The following AK8 variants were observed in gnomAD, a reference collection of about 807,000 sequenced individuals.
AK8 encodes the protein adenylate kinase 8, also known as ATP-AMP transphosphorylase 8.
In AK8, 44 loss-of-function variants were observed where a neutral mutation model predicts 54.6. That is an observed-to-expected ratio of 0.81 (90% CI 0.63 to 1.04). AK8 has a LOEUF of 1.04. Among genes scored for constraint, AK8 ranks in the 50% least tolerant of loss-of-function variants. The pLI, the probability that AK8 is intolerant of heterozygous loss-of-function variation, is 0.00. For missense variants in AK8, 555 were observed against 613.6 expected, an observed-to-expected ratio of 0.90 and a Z score of 1.01; for synonymous variants, 239 against 245.6, an observed-to-expected ratio of 0.97 and a Z score of 0.25.
intron 9 of AK8, among the ~76,000 whole-genome samples, chr9:132,819,681 T>A (rs1317810667): frequency 6.6e-6 from 1 of 152,214 alleles, no homozygotes; most frequent in Non-Finnish European, 1.5e-5. Context: ...TCCTAATCGA[T>A]ATTATAGAAC....
chr9:132,746,588 C>T (rs903325978), intron 11 of AK8, among the ~76,000 whole-genome samples: 7 of 152,236 alleles, frequency 4.6e-5, no homozygotes, highest in Middle Eastern at 3.2e-3. Flanking sequence ...TTCCGACTTG[C>T]GCAACAGGGA....
intron 11 of AK8, among the ~76,000 whole-genome samples, chr9:132,731,377 T>C (rs1052641524): frequency 4.6e-5 from 7 of 152,090 alleles, no homozygotes; most frequent in Admixed American, 1.3e-4. Context: ...AAGGATTCTT[T>C]TGGGCGTGTC....
intron 9 of AK8, among the ~76,000 whole-genome samples, chr9:132,820,803 C>T (rs903842372): frequency 3.9e-5 from 6 of 152,182 alleles, no homozygotes; most frequent in African/African-American, 1.2e-4. Context: ...TAGAACCAGG[C>T]GAGCGGATGG....
At chr9:132,848,115 C>CAAAAAAAAA (rs796764891) in intron 5 of AK8, among the ~76,000 whole-genome samples, 2,469 of 51,706 alleles carry the variant, frequency 0.048, 296 homozygotes, top group Non-Finnish European at 0.066. Context: ...CACCCTGTTT[C>CAAAAAAAAA]AAAAAAAAAA....
chr9:132,725,671 T>A lies in AK8; in HGVS notation c.*17A>T, dbSNP rs781168820. The A allele has an allele frequency of 2.6e-6, 4 of 1,553,688 alleles. No individual in the cohort carries two copies. In the East Asian group the frequency reaches 6.9e-5, roughly 27 times the overall value. ...ATTAACTCTTTCCCTGGGGCAGCGC[T>A]CCTGGCTCTGAACCCATCAGGGGAT... On this transcript the variant is annotated 3_prime_UTR_variant, in exon 13 of 13. Transcript: ENST00000298545.
intron 5 of AK8, among the ~76,000 whole-genome samples, chr9:132,847,436 G>A (rs1316635896): frequency 6.6e-6 from 1 of 152,132 alleles, no homozygotes; most frequent in Non-Finnish European, 1.5e-5. Context: ...CCCTTCCTGT[G>A]TGCTTAGAAC....
At chr9:132,855,011 G>A (rs1018074917) in intron 4 of AK8, 86 bp from the exon 5 acceptor site, 51 of 1,422,018 alleles carry the variant, frequency 3.6e-5, no homozygotes, top group South Asian at 2.3e-4. Context: ...CTTCACCAAC[G>A]CCCTGGCCTC....
rs72773436 is a variant in AK8 at position 132,757,363 on chromosome 9, G to A, written c.1122-29829C>T. 6.1e-3 allele frequency among the ~76,000 whole-genome samples: 926 copies of A among 152,300 alleles called. 5 individuals carry two copies. Among genetic ancestry groups the A allele is most frequent in the Non-Finnish European group, 9.5e-3 (645 of 68,022 alleles). On this transcript the variant is annotated intron_variant, in intron 11 of 12. Coordinates refer to ENST00000298545, the MANE Select transcript of AK8 (RefSeq NM_152572.3). Reference sequence around the variant, plus strand: ...GGGGAAGGAGGGCCCGCCATCTCACGGCAGGTGAAGAAGACAAGGAGAAAA... The same window carrying A: ...GGGGAAGGAGGGCCCGCCATCTCACAGCAGGTGAAGAAGACAAGGAGAAAA...
At chr9:132,807,091 T>C (rs944385906) in intron 10 of AK8, among the ~76,000 whole-genome samples, 1 of 152,092 alleles carries the variant, frequency 6.6e-6, no homozygotes, top group Non-Finnish European at 1.5e-5. Context: ...ATTAAATAGC[T>C]GTCTTCCCTC....
At chr9:132,851,986 C>T (rs1355010555) in intron 5 of AK8, among the ~76,000 whole-genome samples, 2 of 152,130 alleles carry the variant, frequency 1.3e-5, no homozygotes, top group East Asian at 1.9e-4. Context: ...AACTCGAAAG[C>T]GGCTATTACA....
At chr9:132,828,194 G>A in intron 6 of AK8, 110 bp from the exon 7 acceptor site, 2 of 964,730 alleles carry the variant, frequency 2.1e-6, no homozygotes, top group Non-Finnish European at 3.1e-6. Context: ...TCTGTATAAT[G>A]ACATTAAAAC....
intron 7 of AK8, 25 bp downstream of exon 7, chr9:132,827,988 T>G (rs201332957): frequency 6.4e-7 from 1 of 1,553,580 alleles, no homozygotes; most frequent in Non-Finnish European, 8.7e-7. Context: ...CCCATGGGGC[T>G]GGGTGGGGGT....
intron 5 of AK8, among the ~76,000 whole-genome samples, chr9:132,851,916 CAT>C (rs1254999699): frequency 3.3e-5 from 5 of 152,210 alleles, no homozygotes; most frequent in African/African-American, 1.2e-4. Context: ...TCTCTACTCA[CAT>C]GAGAGCAGAT....
Position 132,826,056 on chromosome 9 carries a change from G to A in AK8, c.757+798C>T, listed in dbSNP as rs544134014. ...GGCAGGGTGTTGAACAATGATAGGA[G>A]CTATGACGACTGATGTTTATTGAGG... On this transcript the variant is annotated intron_variant, in intron 8 of 12. Coordinates refer to ENST00000298545, the MANE Select transcript of AK8 (RefSeq NM_152572.3). The surrounding 1 kb of genome is among the most constrained non-coding windows in gnomAD (Gnocchi z 4.5). Among the ~76,000 whole-genome samples the A allele has an allele frequency of 6.6e-6, 1 of 152,324 alleles. No individual in the cohort carries two copies. Among genetic ancestry groups the A allele is most frequent in the Non-Finnish European group, 1.5e-5 (1 of 68,032 alleles).
At chr9:132,734,522 G>A (rs1475776091) in intron 11 of AK8, among the ~76,000 whole-genome samples, 2 of 152,162 alleles carry the variant, frequency 1.3e-5, no homozygotes, top group Non-Finnish European at 2.9e-5. Flanking sequence ...CATCGCTTGA[G>A]CTCAGGAGTT....
At chr9:132,761,341 C>T (rs532160682) in intron 11 of AK8, among the ~76,000 whole-genome samples, 110 of 149,984 alleles carry the variant, frequency 7.3e-4, no homozygotes, top group African/African-American at 2.6e-3. Context: ...ATCTTGGCTG[C>T]CACCTCTGCC....
At chr9:132,779,234 T>C (rs551525669) in intron 11 of AK8, among the ~76,000 whole-genome samples, 25 of 152,364 alleles carry the variant, frequency 1.6e-4, no homozygotes, top group Middle Eastern at 3.4e-3. Flanking sequence ...CATGGGGAAG[T>C]GTCATAGTAA....
intron 2 of AK8, among the ~76,000 whole-genome samples, chr9:132,868,059 G>A (rs148033606): frequency 9.8e-4 from 149 of 152,280 alleles, no homozygotes; most frequent in Non-Finnish European, 1.7e-3. Context: ...GTGGGAAGCC[G>A]GTAACCTTGG....
At chr9:132,733,189 C>T (rs1170551788) in intron 11 of AK8, among the ~76,000 whole-genome samples, 5 of 152,106 alleles carry the variant, frequency 3.3e-5, no homozygotes, top group Non-Finnish European at 1.5e-5. Context: ...ATAATGACTT[C>T]CATTCACAAC....
Sources: gnomAD v4.1 joint callset for allele counts (sites outside exome capture counted in the v4.1 genomes callset) on GRCh38, gnomAD v4.1.1 for gene constraint, Gnocchi (gnomAD v3.1) non-coding constraint, MANE v1.5 for transcripts, NCBI Gene and HGNC (gene_info 2026-07-23, HGNC 2026-07-21) for gene names.